The following RUFY3 variants were observed in gnomAD, a reference collection of about 807,000 sequenced individuals.
RUFY3 encodes RUN and FYVE domain containing 3.
A neutral mutation model predicts 84.0 loss-of-function variants in RUFY3; 34 were observed. The ratio of observed to expected loss-of-function variants is 0.40; its 90% CI spans 0.31 to 0.54. The LOEUF is 0.54. Ranked by LOEUF, RUFY3 falls within the 20% of genes least tolerant of loss-of-function variation. The probability of loss-of-function intolerance (pLI) is 0.39; values close to 1 mark genes in which losing one functional copy is unlikely to be tolerated. For synonymous variants in RUFY3, 242 were observed against 252.9 expected, an observed-to-expected ratio of 0.96 and a Z score of 0.41; for missense variants, 507 against 736.8, an observed-to-expected ratio of 0.69 and a Z score of 3.61.
chr4:70,755,050 C>G (rs1271647708), intron 1 of RUFY3, among the ~76,000 whole-genome samples: 3 of 152,032 alleles, frequency 2.0e-5, no homozygotes, highest in Admixed American at 2.0e-4. Context: ...ATTACAGGCG[C>G]CTGCCACCAT....
Position 70,755,359 on chromosome 4 carries a change from A to G in RUFY3, c.179-7160A>G, listed in dbSNP as rs548903507. Among the ~76,000 whole-genome samples, 5 of 152,378 alleles carry G rather than the reference A, an allele frequency of 3.3e-5. No individual in the cohort carries two copies. In the South Asian group the frequency reaches 6.2e-4, roughly 19 times the overall value. On this transcript the variant is annotated intron_variant, in intron 1 of 17. Coordinates refer to ENST00000381006, the MANE Select transcript of RUFY3 (RefSeq NM_001037442.4). The stretch of plus-strand genomic sequence containing the variant: ...TTCTCTGCCAAGAATTGCATATAAC[A>G]TACTTAATACTAATATTAAATATAT...
At chr4:70,793,762 A>G in intron 12 of RUFY3, 23 bp from the exon 13 acceptor site, 1 of 1,613,782 alleles carries the variant, frequency 6.2e-7, no homozygotes, top group Non-Finnish European at 8.5e-7. Flanking sequence ...TTTTTATCAC[A>G]AGTTCATGTG....
chr4:70,789,959 A>G, intron 12 of RUFY3: 1 of 929,648 alleles, frequency 1.1e-6, no homozygotes, highest in Non-Finnish European at 1.3e-6. Flanking sequence ...TTCATCACTG[A>G]AGTCTTTGAA....
chr4:70,791,388 T>G (rs944258236), intron 12 of RUFY3: 1 of 1,552,172 alleles, frequency 6.4e-7, no homozygotes, highest in African/African-American at 1.4e-5. Flanking sequence ...AAGCTCTGAT[T>G]CTATATAAAA....
At position 70,800,186 on chromosome 4, in the gene RUFY3, C is replaced by G; in HGVS notation, c.1603C>G (p.Pro535Ala). Reference protein sequence around the residue: ...MQEENVKLKKPLEESHRLQPH... With the variant: ...MQEENVKLKKALEESHRLQPH... Reference sequence around the variant, plus strand: ...AGAGGAAAATGTTAAACTAAAAAAGCCCCTGGAAGAAAGCCACAGGTGTTT... The same window carrying G: ...AGAGGAAAATGTTAAACTAAAAAAGGCCCTGGAAGAAAGCCACAGGTGTTT... The change falls in exon 15 of 18, where the codon CCC (proline) becomes GCC (alanine). Residue 535 changes from proline to alanine, a missense_variant. Physicochemically the swap from Pro to Ala is conservative, Grantham distance 27. This residue lies in a region of RUFY3 where 334 missense variants were observed against 364.1 expected (regional missense o/e 0.92). Coordinates refer to ENST00000381006, the MANE Select transcript of RUFY3 (RefSeq NM_001037442.4). 6.2e-7 allele frequency: 1 copy of G among 1,605,236 alleles called. No homozygotes were observed. Among genetic ancestry groups the G allele is most frequent in the Non-Finnish European group, 8.5e-7 (1 of 1,177,620 alleles).
chr4:70,726,295 T>C (rs1003073885), intron 1 of RUFY3, among the ~76,000 whole-genome samples: 11 of 152,302 alleles, frequency 7.2e-5, no homozygotes, highest in African/African-American at 2.6e-4. Flanking sequence ...GTAGGGAATA[T>C]AGAAGGAAGA....
At chr4:70,736,216 G>A (rs1443635935) in intron 1 of RUFY3, among the ~76,000 whole-genome samples, 1 of 150,834 alleles carries the variant, frequency 6.6e-6, no homozygotes, top group Non-Finnish European at 1.5e-5. Flanking sequence ...ATTATGTACA[G>A]ATATTTTTAA....
At chr4:70,724,873 A>G (rs1717961053) in intron 1 of RUFY3, among the ~76,000 whole-genome samples, 1 of 152,226 alleles carries the variant, frequency 6.6e-6, no homozygotes, top group Non-Finnish European at 1.5e-5. Context: ...GATAGTTATT[A>G]GATTTAATTT....
chr4:70,755,757 C>T (rs1002506218), intron 1 of RUFY3, among the ~76,000 whole-genome samples: 1 of 152,084 alleles, frequency 6.6e-6, no homozygotes. Flanking sequence ...CAAGACCATC[C>T]TGGCTAACAC....
At chr4:70,788,690 A>G (rs565463149) in intron 10 of RUFY3, 116 bp from the exon 11 acceptor site, 3 of 1,068,206 alleles carry the variant, frequency 2.8e-6, no homozygotes, top group Admixed American at 2.8e-5. Context: ...AGCTTAAGCT[A>G]TTTTGCCAGA....
At chr4:70,770,963 G>T in intron 5 of RUFY3, among the ~76,000 whole-genome samples, 1 of 152,100 alleles carries the variant, frequency 6.6e-6, no homozygotes, top group East Asian at 1.9e-4. Flanking sequence ...GGGAGGCCAA[G>T]GAGAAGGGAG....
intron 14 of RUFY3, among the ~76,000 whole-genome samples, chr4:70,799,157 A>G (rs990117061): frequency 3.9e-5 from 6 of 151,912 alleles, no homozygotes; most frequent in South Asian, 2.1e-4. Context: ...AAAAAAAAAA[A>G]AAAAGAGAAA....
chr4:70,726,807 G>A (rs932208555), intron 1 of RUFY3, among the ~76,000 whole-genome samples: 4 of 152,186 alleles, frequency 2.6e-5, no homozygotes, highest in Non-Finnish European at 5.9e-5. Context: ...ATGGAAAGGC[G>A]GGGGTGAAGA....
At chr4:70,782,214 A>C (rs1729037606) in intron 8 of RUFY3, among the ~76,000 whole-genome samples, 1 of 152,016 alleles carries the variant, frequency 6.6e-6, no homozygotes, top group Non-Finnish European at 1.5e-5. Flanking sequence ...ATATGTGTAC[A>C]TCTATAAGAA....
upstream of RUFY3, among the ~76,000 whole-genome samples, chr4:70,720,852 A>T (rs1034180823): frequency 6.6e-6 from 1 of 151,488 alleles, no homozygotes; most frequent in Non-Finnish European, 1.5e-5. Flanking sequence ...CCCTTTTGCT[A>T]CCAAGGTATA....
chr4:70,767,298 C>T (rs1320974341), intron 4 of RUFY3, among the ~76,000 whole-genome samples: 11 of 104,468 alleles, frequency 1.1e-4, no homozygotes, highest in Non-Finnish European at 1.6e-4. Flanking sequence ...TTAGTAGAGA[C>T]AGGGTTTCTA....
At chr4:70,726,817 A>G (rs1168666911) in intron 1 of RUFY3, among the ~76,000 whole-genome samples, 1 of 152,252 alleles carries the variant, frequency 6.6e-6, no homozygotes, top group African/African-American at 2.4e-5. Flanking sequence ...GGGGGTGAAG[A>G]TAAAAGGAGT....
At chr4:70,725,862 G>A (rs1006901011) in intron 1 of RUFY3, among the ~76,000 whole-genome samples, 1 of 152,200 alleles carries the variant, frequency 6.6e-6, no homozygotes, top group Non-Finnish European at 1.5e-5. Context: ...CAGGAGCACA[G>A]AGGGCTTCTG....
At chr4:70,733,417 T>C (rs889363777) in intron 1 of RUFY3, among the ~76,000 whole-genome samples, 1 of 152,170 alleles carries the variant, frequency 6.6e-6, no homozygotes, top group Non-Finnish European at 1.5e-5. Context: ...ACATCCTTTA[T>C]AGAAATCATT....
Sources: allele counts gnomAD v4.1 joint callset (sites outside exome capture counted in the v4.1 genomes callset), GRCh38; gene constraint gnomAD v4.1.1; regional missense constraint gnomAD v4.1.1; transcripts MANE v1.5; gene names NCBI Gene and HGNC (gene_info 2026-07-23, HGNC 2026-07-21).